Variants in SLC24A3 observed in about 807,000 individuals in gnomAD.
SLC24A3 encodes solute carrier family 24 member 3.
A neutral mutation model predicts 75.8 loss-of-function variants in SLC24A3; 28 were observed. That is an observed-to-expected ratio of 0.37 (90% CI 0.27 to 0.51). SLC24A3 has a LOEUF of 0.51. Ranked by LOEUF, SLC24A3 falls within the 20% of genes least tolerant of loss-of-function variation. The pLI, the probability that SLC24A3 is intolerant of heterozygous loss-of-function variation, is 0.94. For missense variants in SLC24A3, 663 were observed against 847.8 expected, an observed-to-expected ratio of 0.78 and a Z score of 2.71; for synonymous variants, 372 against 334.1, an observed-to-expected ratio of 1.11 and a Z score of -1.24.
Position 19,351,439 on chromosome 20 carries a change from G to A in SLC24A3, c.271+70352G>A, listed in dbSNP as rs73126847. Among the ~76,000 whole-genome samples the A allele has an allele frequency of 3.9e-3, 598 of 152,256 alleles. 4 individuals are homozygous for A. Among genetic ancestry groups the A allele is most frequent in the Non-Finnish European group, 7.1e-3 (480 of 68,028 alleles). On this transcript the variant is annotated intron_variant, in intron 2 of 16. Transcript: ENST00000328041. ...CAAGAGCTCTTCCCTCTGACTTTGTGACCATCTCCCTCCCCAGCTTCTCCT... is the reference window on the plus strand; with the variant it reads ...CAAGAGCTCTTCCCTCTGACTTTGTAACCATCTCCCTCCCCAGCTTCTCCT...
chr20:19,336,572 G>T (rs1278823069), intron 2 of SLC24A3, among the ~76,000 whole-genome samples: 1 of 151,936 alleles, frequency 6.6e-6, no homozygotes, highest in Non-Finnish European at 1.5e-5. Flanking sequence ...TTTTAGTAGA[G>T]ACCAGGTTTC....
chr20:19,484,866 A>T (rs534736971), intron 2 of SLC24A3, among the ~76,000 whole-genome samples: 6 of 152,342 alleles, frequency 3.9e-5, no homozygotes, highest in African/African-American at 1.4e-4. Flanking sequence ...TTAAAACGAA[A>T]AAATTAAAAC....
intron 2 of SLC24A3, among the ~76,000 whole-genome samples, chr20:19,475,436 C>T (rs1268368544): frequency 6.6e-6 from 1 of 151,684 alleles, no homozygotes; most frequent in Non-Finnish European, 1.5e-5. Context: ...ATTGTAAATA[C>T]AAAGATAACT....
At chr20:19,247,492 T>G (rs948567348) in intron 1 of SLC24A3, among the ~76,000 whole-genome samples, 1 of 152,154 alleles carries the variant, frequency 6.6e-6, no homozygotes, top group East Asian at 1.9e-4. Context: ...GTAGTAATGT[T>G]GTGGATAAAA....
intron 2 of SLC24A3, among the ~76,000 whole-genome samples, chr20:19,329,076 TGTG>T (rs1373121265): frequency 6.6e-6 from 1 of 152,052 alleles, no homozygotes; most frequent in Non-Finnish European, 1.5e-5. Flanking sequence ...CAGGAAGAGT[TGTG>T]GTGCTGGTAG....
Position 19,693,208 on chromosome 20 carries a change from G to T in SLC24A3, c.1325-51G>T, listed in dbSNP as rs1200973441. 11 of 1,559,294 alleles carry T rather than the reference G, an allele frequency of 7.1e-6. No individual in the cohort carries two copies. In the Admixed American group the frequency reaches 9.5e-5, roughly 14 times the overall value. On this transcript the variant is annotated intron_variant, in intron 12 of 16. Coordinates refer to ENST00000328041, the MANE Select transcript of SLC24A3 (RefSeq NM_020689.4). ...GAGCAAAGAAATAAAGCTAACTGGG[G>T]TTCTTTGTTATTTTTTTTTTATTTC... is the stretch of plus-strand genomic sequence containing the variant.
intron 3 of SLC24A3, among the ~76,000 whole-genome samples, chr20:19,562,527 C>A (rs2096089430): frequency 6.6e-6 from 1 of 152,200 alleles, no homozygotes; most frequent in Non-Finnish European, 1.5e-5. Flanking sequence ...AGGTTTTGAA[C>A]TTCCTAGTTA....
At chr20:19,653,463 G>A (rs1321181305) in intron 6 of SLC24A3, among the ~76,000 whole-genome samples, 3 of 152,242 alleles carry the variant, frequency 2.0e-5, no homozygotes, top group Non-Finnish European at 2.9e-5. Flanking sequence ...GATGAGGGAA[G>A]AAGGTCTGGC....
intron 6 of SLC24A3, among the ~76,000 whole-genome samples, chr20:19,615,610 A>G (rs953586025): frequency 9.9e-5 from 15 of 152,210 alleles, no homozygotes; most frequent in Admixed American, 1.3e-4. Context: ...CACCAAACGG[A>G]TGATGCTAAA....
intron 2 of SLC24A3, among the ~76,000 whole-genome samples, chr20:19,311,751 G>A (rs1733226472): frequency 6.6e-6 from 1 of 152,058 alleles, no homozygotes; most frequent in Admixed American, 6.6e-5. Flanking sequence ...ACAGTATGCA[G>A]CTCTCTTTTT....
intron 2 of SLC24A3, among the ~76,000 whole-genome samples, chr20:19,295,205 A>G (rs1984031653): frequency 6.6e-6 from 1 of 152,196 alleles, no homozygotes; most frequent in South Asian, 2.1e-4. Flanking sequence ...TCTGGATATT[A>G]GAATCATTTC....
chr20:19,311,351 A>T (rs913333658), intron 2 of SLC24A3, among the ~76,000 whole-genome samples: 1 of 152,124 alleles, frequency 6.6e-6, no homozygotes, highest in Non-Finnish European at 1.5e-5. Flanking sequence ...ACAGGAAATC[A>T]GGATGAGGTC....
At chr20:19,390,090 G>A (rs1986340788) in intron 2 of SLC24A3, among the ~76,000 whole-genome samples, 1 of 152,036 alleles carries the variant, frequency 6.6e-6, no homozygotes, top group African/African-American at 2.4e-5. Flanking sequence ...CTAGCTCTTT[G>A]TTGAACTTAC....
rs1028906538 is a variant in SLC24A3, at chr20:19,639,776, G to A, written c.613-14286G>A. On this transcript the variant is annotated intron_variant, in intron 6 of 16. Coordinates refer to ENST00000328041, the MANE Select transcript of SLC24A3 (RefSeq NM_020689.4). ...GGCTGCAGGTCCCAAGCCCTGCCCC[G>A]CGGGAAGGCAGCTAAGGCCAGGTGA... Among the ~76,000 whole-genome samples the A allele has an allele frequency of 6.6e-5, 10 of 152,366 alleles. 1 individual carries two copies. Among genetic ancestry groups the A allele is most frequent in the South Asian group, 4.1e-4 (2 of 4,834 alleles).
chr20:19,241,375 A>C (rs550144431), intron 1 of SLC24A3, among the ~76,000 whole-genome samples: 1 of 152,290 alleles, frequency 6.6e-6, no homozygotes, highest in East Asian at 1.9e-4. Flanking sequence ...CATGTAGCTC[A>C]GAGCTGTCCA....
chr20:19,570,209 G>C (rs1487480048), intron 3 of SLC24A3, among the ~76,000 whole-genome samples: 2 of 152,112 alleles, frequency 1.3e-5, no homozygotes, highest in African/African-American at 2.4e-5. Context: ...GAGAGAGCAG[G>C]GGGAAGTGCT....
chr20:19,523,243 G>A (rs981508050), intron 3 of SLC24A3, among the ~76,000 whole-genome samples: 13 of 152,224 alleles, frequency 8.5e-5, no homozygotes, highest in Non-Finnish European at 1.8e-4. Context: ...TTTGAAATTT[G>A]AGGGGACCTG....
At chr20:19,502,639 A>G (rs1351136992) in intron 2 of SLC24A3, among the ~76,000 whole-genome samples, 4 of 152,102 alleles carry the variant, frequency 2.6e-5, no homozygotes, top group Non-Finnish European at 5.9e-5. Flanking sequence ...TGATAATTCA[A>G]CTTCCTATTA....
intron 2 of SLC24A3, among the ~76,000 whole-genome samples, chr20:19,319,358 C>T (rs991363386): frequency 3.9e-5 from 6 of 152,168 alleles, no homozygotes; most frequent in Admixed American, 2.6e-4. Context: ...AGACCTATTG[C>T]GATTCATAGG....
Sources: gnomAD v4.1 joint callset for allele counts (sites outside exome capture counted in the v4.1 genomes callset) on GRCh38, gnomAD v4.1.1 for gene constraint, MANE v1.5 for transcripts, NCBI Gene and HGNC (gene_info 2026-07-23, HGNC 2026-07-21) for gene names.